Variants in CSMD1 observed in about 807,000 individuals in gnomAD.
CSMD1 encodes the protein CUB and sushi domain-containing protein 1.
A neutral mutation model predicts 417.5 loss-of-function variants in CSMD1; 213 were observed. The observed-to-expected ratio is 0.51, with a 90% CI of 0.46 to 0.57. The LOEUF (loss-of-function observed/expected upper bound fraction) is 0.57, where lower values mean the gene tolerates loss of function less well. CSMD1 is among the 20% of genes least tolerant of loss of function. CSMD1 has a pLI of 0.00. For synonymous variants in CSMD1, 2,862 were observed against 1,736.8 expected, an observed-to-expected ratio of 1.65 and a Z score of -16.11; for missense variants, 6,923 against 4,529.7, an observed-to-expected ratio of 1.53 and a Z score of -15.17.
intron 3 of CSMD1, among the ~76,000 whole-genome samples, chr8:4,200,393 A>T: frequency 6.6e-6 from 1 of 152,346 alleles, no homozygotes; most frequent in Non-Finnish European, 1.5e-5. Context: ...TAAAAAGCAG[A>T]AAAAAATTAA....
intron 3 of CSMD1, among the ~76,000 whole-genome samples, chr8:4,382,784 G>C (rs1201347666): frequency 6.6e-6 from 1 of 152,144 alleles, no homozygotes. Flanking sequence ...AAATAATAAT[G>C]ATGGCCCCTC....
chr8:3,792,258 A>T (rs552691577), intron 5 of CSMD1, among the ~76,000 whole-genome samples: 1 of 152,184 alleles, frequency 6.6e-6, no homozygotes, highest in South Asian at 2.1e-4. Flanking sequence ...GTGCCACTAC[A>T]TGCCAGCCTG....
At chr8:4,215,129 G>A (rs1173552605) in intron 3 of CSMD1, among the ~76,000 whole-genome samples, 3 of 152,136 alleles carry the variant, frequency 2.0e-5, no homozygotes, top group Non-Finnish European at 2.9e-5. Context: ...TTCTCAGGGT[G>A]CCAACCTAGG....
At chr8:4,975,088 T>A (rs1319220453) in intron 1 of CSMD1, among the ~76,000 whole-genome samples, 4 of 152,144 alleles carry the variant, frequency 2.6e-5, no homozygotes, top group African/African-American at 9.7e-5. Context: ...AATAAACATT[T>A]ATCTACCAAG....
chr8:3,031,454 TAA>T (rs1810334422), intron 50 of CSMD1, among the ~76,000 whole-genome samples: 1 of 151,838 alleles, frequency 6.6e-6, no homozygotes, highest in Non-Finnish European at 1.5e-5. Flanking sequence ...CCCTAAAACT[TAA>T]AGTCTAACAA....
chr8:4,407,072 G>A (rs1250995184), intron 3 of CSMD1, among the ~76,000 whole-genome samples: 1 of 152,284 alleles, frequency 6.6e-6, no homozygotes, highest in South Asian at 2.1e-4. Context: ...GGTCACTCAA[G>A]TATTGTCTAT....
At chr8:4,645,930 A>T in intron 1 of CSMD1, among the ~76,000 whole-genome samples, 1 of 152,152 alleles carries the variant, frequency 6.6e-6, no homozygotes, top group Non-Finnish European at 1.5e-5. Context: ...ATGTAACACG[A>T]CTTTAGAGAT....
At chr8:4,153,567 G>A (rs866912146) in intron 3 of CSMD1, among the ~76,000 whole-genome samples, 1 of 152,182 alleles carries the variant, frequency 6.6e-6, no homozygotes, top group Non-Finnish European at 1.5e-5. Flanking sequence ...CGCAATCATG[G>A]GAAATGCTGC....
chr8:4,175,664 G>C (rs1647302), intron 3 of CSMD1, among the ~76,000 whole-genome samples: 1 of 151,896 alleles, frequency 6.6e-6, no homozygotes, highest in Non-Finnish European at 1.5e-5. Context: ...CTATCTAAAG[G>C]TAAAGAAACT....
chr8:4,855,368 C>T (rs897140103), intron 1 of CSMD1, among the ~76,000 whole-genome samples: 2 of 152,264 alleles, frequency 1.3e-5, no homozygotes, highest in Non-Finnish European at 2.9e-5. Context: ...TCTCCTCCTC[C>T]AAAGGAACGC....
At chr8:3,426,580 C>T (rs1192065327) in intron 12 of CSMD1, among the ~76,000 whole-genome samples, 1 of 152,120 alleles carries the variant, frequency 6.6e-6, no homozygotes. Flanking sequence ...AGATACAAGG[C>T]AATATAATTT....
intron 8 of CSMD1, among the ~76,000 whole-genome samples, chr8:3,606,166 C>G (rs552751017): frequency 6.6e-6 from 1 of 152,252 alleles, no homozygotes; most frequent in South Asian, 2.1e-4. Context: ...AGAAGCCAAC[C>G]GTGTGGGTGG....
chr8:4,063,298 T>C (rs1262111492), intron 3 of CSMD1, among the ~76,000 whole-genome samples: 7 of 151,818 alleles, frequency 4.6e-5, no homozygotes, highest in Admixed American at 2.0e-4. Context: ...AAAAGAAAAA[T>C]TAGTTACAAT....
chr8:4,304,268 A>G (rs746424471), intron 3 of CSMD1, among the ~76,000 whole-genome samples: 1 of 152,218 alleles, frequency 6.6e-6, no homozygotes, highest in Non-Finnish European at 1.5e-5. Context: ...CAAGGATTTT[A>G]TATTTTATTA....
chr8:3,462,407 C>T (rs555711858), intron 12 of CSMD1, among the ~76,000 whole-genome samples: 200 of 152,290 alleles, frequency 1.3e-3, no homozygotes, highest in African/African-American at 4.7e-3. Context: ...GAGCAGCAGG[C>T]AACGGAGCAT....
intron 3 of CSMD1, among the ~76,000 whole-genome samples, chr8:4,362,695 A>T (rs1051507924): frequency 2.6e-5 from 4 of 152,232 alleles, no homozygotes; most frequent in South Asian, 2.1e-4. Flanking sequence ...GGGATGACTG[A>T]TAAGATTTGT....
At chr8:3,056,212 G>A (rs1485600815) in intron 49 of CSMD1, among the ~76,000 whole-genome samples, 2 of 152,188 alleles carry the variant, frequency 1.3e-5, no homozygotes, top group African/African-American at 4.8e-5. Flanking sequence ...CATGAGAGGT[G>A]TAACAGTTTG....
intron 3 of CSMD1, among the ~76,000 whole-genome samples, chr8:4,339,139 A>C (rs1356974726): frequency 6.6e-6 from 1 of 152,102 alleles, no homozygotes; most frequent in African/African-American, 2.4e-5. Flanking sequence ...TCCAACTACA[A>C]ATGCTATCAG....
chr8:3,285,469 C>A (rs183893578), intron 25 of CSMD1, among the ~76,000 whole-genome samples: 73 of 151,974 alleles, frequency 4.8e-4, no homozygotes, highest in African/African-American at 1.7e-3. Context: ...TCACTGCAAC[C>A]TCTACTTCCT....
Sources: allele counts gnomAD v4.1 joint callset (sites outside exome capture counted in the v4.1 genomes callset), GRCh38; gene constraint gnomAD v4.1.1; transcripts MANE v1.5; gene names NCBI Gene and HGNC (gene_info 2026-07-23, HGNC 2026-07-21).